Variants in CTNNA3 observed in about 807,000 individuals in gnomAD.
The protein encoded by CTNNA3 is catenin alpha 3, also known as catenin alpha-3.
CTNNA3 carries 76 observed loss-of-function variants against 95.7 expected under a neutral mutation model. The ratio of observed to expected loss-of-function variants is 0.79; its 90% CI spans 0.66 to 0.96. The LOEUF (loss-of-function observed/expected upper bound fraction) is 0.96, where lower values mean the gene tolerates loss of function less well. CTNNA3 is among the 40% of genes least tolerant of loss of function. The probability of loss-of-function intolerance (pLI) is 0.00; values close to 1 mark genes in which losing one functional copy is unlikely to be tolerated. For missense variants in CTNNA3, 1,191 were observed against 1,089.8 expected (o/e 1.09, Z -1.31); for synonymous variants, 431 against 374.4 (o/e 1.15, Z -1.74).
intron 6 of CTNNA3, among the ~76,000 whole-genome samples, chr10:67,204,828 G>T (rs1418403922): frequency 6.6e-6 from 1 of 152,108 alleles, no homozygotes; most frequent in Non-Finnish European, 1.5e-5. Flanking sequence ...GTTTTTCAAG[G>T]ATAGTTTGGT....
At chr10:66,870,618 C>T (rs1844359047) in intron 7 of CTNNA3, among the ~76,000 whole-genome samples, 1 of 152,126 alleles carries the variant, frequency 6.6e-6, no homozygotes, top group Non-Finnish European at 1.5e-5. Flanking sequence ...TATTGGTGAA[C>T]ATTCTAAGCT....
intron 15 of CTNNA3, among the ~76,000 whole-genome samples, chr10:66,008,935 A>G (rs1282006994): frequency 6.6e-6 from 1 of 152,070 alleles, no homozygotes; most frequent in Non-Finnish European, 1.5e-5. Context: ...CCCCATCTCC[A>G]CTAAAAATAC....
Position 67,739,745 on chromosome 10 carries a change from T to C in CTNNA3, c.-2+23689A>G, listed in dbSNP as rs537462430. The stretch of plus-strand genomic sequence containing the variant: ...TGGCCATACTGCCCAAGGTAATTTA[T>C]AGATTCAATGCCATCCCCATCAAGC... On this transcript the variant is annotated intron_variant, in intron 1 of 17. Coordinates refer to the CTNNA3 transcript ENST00000684154. Among the ~76,000 whole-genome samples the C allele has an allele frequency of 4.8e-4, 73 of 152,250 alleles. 1 individual carries two copies. The South Asian group carries it at 0.013, about 27-fold the overall frequency.
Position 66,033,912 on chromosome 10 carries a change from C to T in CTNNA3, c.2159+35396G>A, listed in dbSNP as rs111358804. On this transcript the variant is annotated intron_variant, in intron 15 of 17. Transcript: ENST00000433211. Reference sequence around the variant, plus strand: ...AAAGCCTAGGGGCAGTTCTGGAGCCCGGCTGCTCGCATTCAAATTCCATCT... The same window carrying T: ...AAAGCCTAGGGGCAGTTCTGGAGCCTGGCTGCTCGCATTCAAATTCCATCT... Among the ~76,000 whole-genome samples the T allele has an allele frequency of 1.1e-3, 170 of 152,262 alleles. 1 individual carries two copies. The highest frequency in any genetic ancestry group is 3.6e-3 in the African/African-American group (150 of 41,560).
chr10:66,504,502 C>T (rs1031756793), intron 11 of CTNNA3, among the ~76,000 whole-genome samples: 5 of 152,148 alleles, frequency 3.3e-5, no homozygotes, highest in Non-Finnish European at 5.9e-5. Flanking sequence ...ATGCTGTTCT[C>T]ACCAGCCTAA....
rs1253594252 is a variant in CTNNA3, at chr10:67,726,363, A to AATATATATT, written c.-2+37070_-2+37071insAATATATAT. Among the ~76,000 whole-genome samples, 13 of 41,618 alleles carry AATATATATT rather than the reference A, an allele frequency of 3.1e-4. No homozygotes were observed. In the East Asian group the frequency reaches 0.014, roughly 44 times the overall value. The allele number at this position is 41,618 out of a possible 152,430, so 27.3% of individuals were successfully genotyped here. ...ATATAATATATGATATATATGATAT[A>AATATATATT]ATATATGATATTATATATGAAATTA... On this transcript the variant is annotated intron_variant, in intron 1 of 17. Coordinates refer to the CTNNA3 transcript ENST00000684154.
At chr10:66,949,415 T>C (rs1323098568) in intron 7 of CTNNA3, among the ~76,000 whole-genome samples, 1 of 151,880 alleles carries the variant, frequency 6.6e-6, no homozygotes, top group East Asian at 1.9e-4. Context: ...AAAATTAGCC[T>C]GGCGTGTTGG....
chr10:67,185,482 G>A (rs1168985872), intron 6 of CTNNA3, among the ~76,000 whole-genome samples: 1 of 151,320 alleles, frequency 6.6e-6, no homozygotes, highest in Non-Finnish European at 1.5e-5. Flanking sequence ...TGTCTTACAT[G>A]GGCAAAAAAA....
At chr10:66,125,788 T>C (rs1199178358) in intron 13 of CTNNA3, among the ~76,000 whole-genome samples, 1 of 152,142 alleles carries the variant, frequency 6.6e-6, no homozygotes. Context: ...GAACAGTATG[T>C]TGAAAAGAAC....
At chr10:66,399,019 G>A (rs1021931901) in intron 11 of CTNNA3, among the ~76,000 whole-genome samples, 1 of 151,922 alleles carries the variant, frequency 6.6e-6, no homozygotes, top group African/African-American at 2.4e-5. Context: ...AATCATGTCT[G>A]TTGAACTGAA....
chr10:66,802,738 G>A (rs942669512), intron 7 of CTNNA3, among the ~76,000 whole-genome samples: 1 of 150,144 alleles, frequency 6.7e-6, no homozygotes, highest in Admixed American at 6.7e-5. Flanking sequence ...ACCCTCAAAT[G>A]CCCTTCAGCA....
intron 7 of CTNNA3, among the ~76,000 whole-genome samples, chr10:66,915,631 T>C (rs1007329294): frequency 1.1e-4 from 17 of 151,442 alleles, no homozygotes; most frequent in African/African-American, 3.9e-4. Flanking sequence ...AGCCAAGAAA[T>C]GGAGTGCTGC....
chr10:67,351,152 A>G (rs940052790), intron 5 of CTNNA3, among the ~76,000 whole-genome samples: 4 of 151,998 alleles, frequency 2.6e-5, no homozygotes, highest in African/African-American at 9.7e-5. Context: ...TCATTCATAT[A>G]ACATTCTGGA....
chr10:65,929,379 C>G (rs986625067), intron 17 of CTNNA3, among the ~76,000 whole-genome samples: 1 of 152,134 alleles, frequency 6.6e-6, no homozygotes. Flanking sequence ...AGTCCCAACT[C>G]TGCCACATTC....
intron 13 of CTNNA3, among the ~76,000 whole-genome samples, chr10:66,210,553 C>CGAT (rs903662228): frequency 2.8e-4 from 43 of 151,622 alleles, no homozygotes; most frequent in African/African-American, 9.9e-4. Context: ...TCTATTGTTT[C>CGAT]GATAAGATTT....
chr10:66,333,566 G>T (rs9663297), intron 12 of CTNNA3, among the ~76,000 whole-genome samples: 138,002 of 152,090 alleles, frequency 0.91, 62,851 homozygotes, highest in East Asian at 1. Context: ...TGCTGAGTTC[G>T]AGTTTGATTG....
chr10:66,391,060 A>G lies in CTNNA3; in HGVS notation c.1532-11708T>C, dbSNP rs1364466481. 1.1e-4 allele frequency among the ~76,000 whole-genome samples: 16 copies of G among 150,402 alleles called. No homozygotes were observed. In the East Asian group the frequency reaches 2.9e-3, roughly 27 times the overall value. Reference sequence around the variant, plus strand: ...ATTGTCTTTTATTCCGCCCAATACAATAGTCAAAATTGTAGTCACTTGGTA... The same window carrying G: ...ATTGTCTTTTATTCCGCCCAATACAGTAGTCAAAATTGTAGTCACTTGGTA... On this transcript the variant is annotated intron_variant, in intron 11 of 17. Transcript: ENST00000433211.
intron 12 of CTNNA3, among the ~76,000 whole-genome samples, chr10:66,354,725 A>G (rs1419280679): frequency 6.6e-6 from 1 of 152,044 alleles, no homozygotes; most frequent in African/African-American, 2.4e-5. Context: ...ATTAGGACCT[A>G]GACATCCATT....
At chr10:66,008,736 T>C (rs974582716) in intron 15 of CTNNA3, among the ~76,000 whole-genome samples, 4 of 152,210 alleles carry the variant, frequency 2.6e-5, no homozygotes, top group African/African-American at 9.6e-5. Context: ...CTAATGATAA[T>C]GTCATTAAAA....
Sources: allele counts gnomAD v4.1 joint callset (sites outside exome capture counted in the v4.1 genomes callset), GRCh38; gene constraint gnomAD v4.1.1; transcripts MANE v1.5; gene names NCBI Gene and HGNC (gene_info 2026-07-23, HGNC 2026-07-21).